The following EXOC4 variants were observed in gnomAD, a reference collection of about 807,000 sequenced individuals.
The protein encoded by EXOC4 is exocyst complex component 4.
Under a neutral mutation model 107.2 loss-of-function variants are expected in EXOC4, and 71 were observed. The observed-to-expected ratio is 0.66, with a 90% CI of 0.55 to 0.81. EXOC4 has a LOEUF of 0.81. EXOC4 is among the 30% of genes least tolerant of loss of function. EXOC4 has a pLI of 0.00. For missense variants in EXOC4, 1,108 were observed against 1,189.6 expected, an observed-to-expected ratio of 0.93 and a Z score of 1.01; for synonymous variants, 456 against 441.2, an observed-to-expected ratio of 1.03 and a Z score of -0.42.
At chr7:133,943,744 GTTATTTGA>G (rs970360509) in intron 14 of EXOC4, among the ~76,000 whole-genome samples, 30 of 151,544 alleles carry the variant, frequency 2.0e-4, no homozygotes, top group African/African-American at 6.8e-4. Context: ...TTGCAATTTG[GTTATTTGA>G]TTATTTGATT....
chr7:133,262,915 G>A (rs1795185945), intron 1 of EXOC4, among the ~76,000 whole-genome samples: 2 of 152,288 alleles, frequency 1.3e-5, no homozygotes. Flanking sequence ...TGTCATGGGA[G>A]GGACCTGGTA....
At chr7:134,072,685 G>A in the EXOC4 span, among the ~76,000 whole-genome samples, 4,204 of 152,252 alleles carry the variant, frequency 0.028, 175 homozygotes, top group African/African-American at 0.09. Flanking sequence ...GGTTACAAGT[G>A]CTTAAAAATG....
intron 6 of EXOC4, among the ~76,000 whole-genome samples, chr7:133,367,522 T>C (rs1249120294): frequency 2.0e-5 from 3 of 152,166 alleles, no homozygotes; most frequent in Non-Finnish European, 4.4e-5. Flanking sequence ...CTGTTTGCAG[T>C]GAGAAGGAAG....
intron 11 of EXOC4, among the ~76,000 whole-genome samples, chr7:133,829,620 T>C (rs1585182032): frequency 6.6e-6 from 1 of 152,346 alleles, no homozygotes; most frequent in East Asian, 1.9e-4. Flanking sequence ...CTTTCTCGGA[T>C]AAATATTGCA....
At chr7:133,937,772 A>G (rs1800337353) in intron 13 of EXOC4, 119 bp from the exon 14 acceptor site, 2 of 896,980 alleles carry the variant, frequency 2.2e-6, no homozygotes, top group East Asian at 4.9e-5. Flanking sequence ...TAGGAAAAAG[A>G]GCACGCTGTA....
chr7:133,633,214 G>A (rs938565174), intron 10 of EXOC4, among the ~76,000 whole-genome samples: 1 of 152,148 alleles, frequency 6.6e-6, no homozygotes, highest in African/African-American at 2.4e-5. Flanking sequence ...CCTTGTGGGA[G>A]GATATAAATT....
intron 7 of EXOC4, among the ~76,000 whole-genome samples, chr7:133,376,210 G>C (rs1377435168): frequency 6.6e-6 from 1 of 152,094 alleles, no homozygotes; most frequent in Admixed American, 6.6e-5. Context: ...TTTACTGGTG[G>C]TTCAGTAGAA....
intron 11 of EXOC4, among the ~76,000 whole-genome samples, chr7:133,827,794 G>T (rs1208552294): frequency 6.6e-6 from 1 of 152,162 alleles, no homozygotes; most frequent in Non-Finnish European, 1.5e-5. Flanking sequence ...TTATCTCCTT[G>T]GGTAGAGGAG....
intron 10 of EXOC4, among the ~76,000 whole-genome samples, chr7:133,780,283 G>T (rs1796436935): frequency 4.2e-5 from 6 of 143,384 alleles, no homozygotes; most frequent in African/African-American, 1.1e-4. Flanking sequence ...TTTTCTTCCT[G>T]TAATTGCTTT....
At chr7:133,644,868 C>T (rs891903625) in intron 10 of EXOC4, among the ~76,000 whole-genome samples, 2 of 152,128 alleles carry the variant, frequency 1.3e-5, no homozygotes, top group African/African-American at 4.8e-5. Flanking sequence ...GATTGTAGAA[C>T]TCTCTTTTAA....
intron 9 of EXOC4, among the ~76,000 whole-genome samples, chr7:133,547,205 A>G (rs1800498514): frequency 6.6e-6 from 1 of 152,236 alleles, no homozygotes; most frequent in South Asian, 2.1e-4. Flanking sequence ...CAGTGCATAT[A>G]AAAGTTATGT....
intron 9 of EXOC4, among the ~76,000 whole-genome samples, chr7:133,609,840 A>C (rs553764085): frequency 6.6e-6 from 1 of 152,216 alleles, no homozygotes; most frequent in Non-Finnish European, 1.5e-5. Context: ...CGATGGGTGT[A>C]GTTACACAAC....
chr7:133,846,054 A>C (rs543208231), intron 11 of EXOC4, among the ~76,000 whole-genome samples: 106 of 151,372 alleles, frequency 7.0e-4, no homozygotes, highest in Admixed American at 1.8e-3. Context: ...TATACCCCCC[A>C]AAAAAAAGTT....
chr7:133,515,912 T>C (rs949982095), intron 9 of EXOC4, among the ~76,000 whole-genome samples: 2 of 152,208 alleles, frequency 1.3e-5, no homozygotes, highest in African/African-American at 2.4e-5. Flanking sequence ...TGTACAAATG[T>C]ATTGAAGAGC....
At chr7:133,755,697 C>G (rs10262627) in intron 10 of EXOC4, among the ~76,000 whole-genome samples, 184 of 152,192 alleles carry the variant, frequency 1.2e-3, no homozygotes, top group African/African-American at 4.2e-3. Flanking sequence ...CTAATTCCAT[C>G]TGCTGAATGC....
intron 8 of EXOC4, chr7:133,479,145 A>G (rs1456397008): frequency 6.6e-6 from 1 of 152,230 alleles, no homozygotes; most frequent in Non-Finnish European, 1.5e-5. Flanking sequence ...GGATTCCTCC[A>G]TCTGGCAGGT....
chr7:133,312,343 A>G (rs997967355), intron 4 of EXOC4, among the ~76,000 whole-genome samples: 1 of 152,194 alleles, frequency 6.6e-6, no homozygotes, highest in Non-Finnish European at 1.5e-5. Context: ...TTAAATATGT[A>G]TACTTTATAT....
intron 10 of EXOC4, among the ~76,000 whole-genome samples, chr7:133,637,551 A>G (rs1263702999): frequency 6.6e-6 from 1 of 152,010 alleles, no homozygotes; most frequent in South Asian, 2.1e-4. Context: ...TGTAGATCAC[A>G]TATTATTCAT....
intron 17 of EXOC4, among the ~76,000 whole-genome samples, chr7:134,032,196 A>G (rs1795286145): frequency 6.6e-6 from 1 of 152,178 alleles, no homozygotes; most frequent in Non-Finnish European, 1.5e-5. Context: ...TAACTACATT[A>G]CCTAGAAAGC....
Sources: allele counts gnomAD v4.1 joint callset (sites outside exome capture counted in the v4.1 genomes callset), GRCh38; gene constraint gnomAD v4.1.1; transcripts MANE v1.5; gene names NCBI Gene and HGNC (gene_info 2026-07-23, HGNC 2026-07-21).